Variants in MCPH1 observed in about 807,000 individuals in gnomAD.
The protein encoded by MCPH1 is microcephalin.
MCPH1 carries 104 observed loss-of-function variants against 84.5 expected under a neutral mutation model. The ratio of observed to expected loss-of-function variants is 1.23; its 90% CI spans 1.05 to 1.45. The LOEUF is 1.45. Ranked by LOEUF, MCPH1 falls within the 40% of genes most tolerant of loss-of-function variation. MCPH1 has a pLI of 0.00. For missense variants in MCPH1, 1,498 were observed against 1,005.7 expected (o/e 1.49, Z -6.62); for synonymous variants, 514 against 366.8 (o/e 1.40, Z -4.58).
chr8:6,439,151 T>C, intron 6 of MCPH1, 55 bp downstream of exon 6: 1 of 1,541,908 alleles, frequency 6.5e-7, no homozygotes, highest in Non-Finnish European at 8.9e-7. Flanking sequence ...TCAATTATGG[T>C]GGAAAGCTTC....
intron 8 of MCPH1, chr8:6,447,052 G>A (rs936662099): frequency 7.1e-6 from 7 of 985,266 alleles, no homozygotes; most frequent in Non-Finnish European, 8.4e-6. Context: ...TTCTGTGTGC[G>A]CTAGTGCGAG....
intron 12 of MCPH1, among the ~76,000 whole-genome samples, chr8:6,617,941 A>ATCTATCTC (rs1563197092): frequency 6.6e-6 from 1 of 150,712 alleles, no homozygotes; most frequent in Non-Finnish European, 1.5e-5. Context: ...CTATCTATCT[A>ATCTATCTC]TCTTTCTATC....
chr8:6,577,454 G>T (rs1403799354), intron 12 of MCPH1, among the ~76,000 whole-genome samples: 2 of 152,176 alleles, frequency 1.3e-5, no homozygotes, highest in Non-Finnish European at 2.9e-5. Flanking sequence ...TGTACAAATG[G>T]CTGTCTAGTA....
chr8:6,608,145 C>G (rs556978123), intron 12 of MCPH1, among the ~76,000 whole-genome samples: 46 of 152,312 alleles, frequency 3.0e-4, no homozygotes, highest in African/African-American at 1.1e-3. Flanking sequence ...GCAGACAGAG[C>G]TGACTCACGT....
chr8:6,432,125 C>T (rs1801928241), intron 4 of MCPH1, among the ~76,000 whole-genome samples: 1 of 152,202 alleles, frequency 6.6e-6, no homozygotes, highest in Non-Finnish European at 1.5e-5. Context: ...CACAAATCCT[C>T]CCGTATACCT....
chr8:6,431,595 A>C lies in MCPH1; in HGVS notation c.321+9A>C, dbSNP rs1413286781. ...GCCTAATTAAAAAAAAAGTAAGTAC[A>C]TGATTTCAATGTAGATAATGGCAAT... On this transcript the variant is annotated intron_variant, in intron 4 of 13. Coordinates refer to ENST00000344683, the MANE Select transcript of MCPH1 (RefSeq NM_024596.5). 1.2e-5 allele frequency: 19 copies of C among 1,540,602 alleles called. No individual in the cohort carries two copies. The highest frequency in any genetic ancestry group is 1.7e-5 in the Non-Finnish European group (19 of 1,116,204).
intron 12 of MCPH1, chr8:6,532,286 G>T: frequency 1.2e-6 from 2 of 1,611,950 alleles, no homozygotes; most frequent in Non-Finnish European, 8.5e-7. Context: ...CTGAGTGCTA[G>T]TCTCTAGCTG....
chr8:6,476,315 G>C (rs180951989), intron 9 of MCPH1, among the ~76,000 whole-genome samples: 112 of 151,768 alleles, frequency 7.4e-4, no homozygotes, highest in African/African-American at 2.5e-3. Context: ...TGTGATCCCA[G>C]CTAGTTGGGA....
rs867964663 is a variant in MCPH1 at position 6,419,190 on chromosome 8, C to A, written c.233+4307C>A. Reference sequence around the variant, plus strand: ...ACACACACACACACACACACACACGCATTTTTACCCCAAATACTTATTTGA... The same window carrying A: ...ACACACACACACACACACACACACGAATTTTTACCCCAAATACTTATTTGA... On this transcript the variant is annotated intron_variant, in intron 3 of 13. Coordinates refer to ENST00000344683, the MANE Select transcript of MCPH1 (RefSeq NM_024596.5). 3.1e-3 allele frequency among the ~76,000 whole-genome samples: 24 copies of A among 7,750 alleles called. 1 individual carries two copies. The South Asian group carries it at 0.06, about 19-fold the overall frequency. The allele number at this position is 7,750 out of a possible 152,430, so 5.1% of individuals were successfully genotyped here. A position where few individuals can be genotyped will look rare whatever the true frequency, so the allele number is the denominator to read the frequency against.
At chr8:6,495,049 A>G (rs1050774492) in intron 11 of MCPH1, among the ~76,000 whole-genome samples, 1 of 152,226 alleles carries the variant, frequency 6.6e-6, no homozygotes, top group Non-Finnish European at 1.5e-5. Context: ...ATACAGAAGA[A>G]TAGCTTATTT....
At chr8:6,520,654 C>A (rs1336889800) in intron 12 of MCPH1, among the ~76,000 whole-genome samples, 3 of 152,174 alleles carry the variant, frequency 2.0e-5, no homozygotes, top group Non-Finnish European at 2.9e-5. Context: ...CCTCAGCCTC[C>A]CAAAGTGCTG....
chr8:6,468,535 G>T (rs557393739), intron 9 of MCPH1, among the ~76,000 whole-genome samples: 67 of 152,098 alleles, frequency 4.4e-4, no homozygotes, highest in Non-Finnish European at 9.0e-4. Flanking sequence ...GAGCTTTAGT[G>T]TTAGATACCG....
chr8:6,596,285 G>T (rs1176435452), intron 12 of MCPH1, among the ~76,000 whole-genome samples: 8 of 152,206 alleles, frequency 5.3e-5, no homozygotes, highest in Non-Finnish European at 7.3e-5. Flanking sequence ...CTGGAAGGTA[G>T]GGGAGGGGTG....
chr8:6,558,279 A>T (rs1437706671), intron 12 of MCPH1, among the ~76,000 whole-genome samples: 4 of 152,254 alleles, frequency 2.6e-5, no homozygotes, highest in Non-Finnish European at 5.9e-5. Flanking sequence ...AAGACTGGGG[A>T]AAGAGAATCT....
chr8:6,496,879 C>T (rs1463697266), intron 11 of MCPH1, among the ~76,000 whole-genome samples: 1 of 152,118 alleles, frequency 6.6e-6, no homozygotes, highest in African/African-American at 2.4e-5. Context: ...TTGCCTTCCC[C>T]ACCCCACCCC....
intron 2 of MCPH1, among the ~76,000 whole-genome samples, chr8:6,412,581 T>C (rs1221008329): frequency 6.6e-6 from 1 of 152,222 alleles, no homozygotes; most frequent in Non-Finnish European, 1.5e-5. Context: ...ACCCTTAATC[T>C]AGATGCAGCT....
At chr8:6,494,890 A>G (rs565613485) in intron 11 of MCPH1, among the ~76,000 whole-genome samples, 7 of 152,340 alleles carry the variant, frequency 4.6e-5, no homozygotes, top group South Asian at 2.1e-4. Flanking sequence ...GGTTAATTGT[A>G]TATTATGCCA....
At chr8:6,642,761 C>T (rs1157819970) in intron 13 of MCPH1, 2 of 577,292 alleles carry the variant, frequency 3.5e-6, no homozygotes, top group Admixed American at 2.5e-5. Context: ...ATGTGGCTAC[C>T]AAGCACTTGA....
chr8:6,531,129 G>T (rs150661555), intron 12 of MCPH1, among the ~76,000 whole-genome samples: 25 of 152,076 alleles, frequency 1.6e-4, no homozygotes, highest in African/African-American at 5.3e-4. Flanking sequence ...CTTGAGCTTG[G>T]AGCGTCTGCA....
Sources: gnomAD v4.1 joint callset for allele counts (sites outside exome capture counted in the v4.1 genomes callset) on GRCh38, gnomAD v4.1.1 for gene constraint, MANE v1.5 for transcripts, NCBI Gene and HGNC (gene_info 2026-07-23, HGNC 2026-07-21) for gene names.